Variants in CCDC57 observed in about 807,000 individuals in gnomAD.
CCDC57 encodes the protein coiled-coil domain-containing protein 57.
A neutral mutation model predicts 118.9 loss-of-function variants in CCDC57; 118 were observed. The ratio of observed to expected loss-of-function variants is 0.99; its 90% CI spans 0.86 to 1.16. The LOEUF (loss-of-function observed/expected upper bound fraction) is 1.16, where lower values mean the gene tolerates loss of function less well. CCDC57 is among the 50% of genes most tolerant of loss of function. The probability of loss-of-function intolerance (pLI) is 0.00; values close to 1 mark genes in which losing one functional copy is unlikely to be tolerated. For synonymous variants in CCDC57, 527 were observed against 532.9 expected (o/e 0.99, Z 0.15); for missense variants, 1,300 against 1,320.7 (o/e 0.98, Z 0.24).
chr17:82,121,883 T>A (rs1179315130), intron 19 of CCDC57, among the ~76,000 whole-genome samples: 2 of 152,218 alleles, frequency 1.3e-5, no homozygotes, highest in East Asian at 1.9e-4. Flanking sequence ...CACTTTCATA[T>A]CCTGTCCTGT....
chr17:82,164,889 G>GA (rs2043790482), intron 13 of CCDC57, among the ~76,000 whole-genome samples: 2 of 152,142 alleles, frequency 1.3e-5, no homozygotes, highest in Non-Finnish European at 2.9e-5. Context: ...TTAGAAAACG[G>GA]AAAAATAGAG....
chr17:82,201,502 G>C (rs936180000), intron 3 of CCDC57, 36 bp downstream of exon 2: 1 of 1,530,928 alleles, frequency 6.5e-7, no homozygotes, highest in Admixed American at 1.9e-5. Flanking sequence ...CCTCTGCCAG[G>C]CACTGCACAG....
intron 19 of CCDC57, among the ~76,000 whole-genome samples, chr17:82,115,882 C>T (rs572373600): frequency 6.7e-6 from 1 of 148,248 alleles, no homozygotes; most frequent in South Asian, 2.2e-4. Context: ...ACTGTAACCT[C>T]CACCCTCCGA....
At chr17:82,140,989 T>C (rs991725757) in intron 16 of CCDC57, among the ~76,000 whole-genome samples, 1 of 151,698 alleles carries the variant, frequency 6.6e-6, no homozygotes, top group African/African-American at 2.4e-5. Flanking sequence ...TATTTTATTT[T>C]AAATTATTTA....
At chr17:82,199,006 A>AG (rs1182487339) in intron 3 of CCDC57, among the ~76,000 whole-genome samples, 3 of 122,858 alleles carry the variant, frequency 2.4e-5, no homozygotes, top group African/African-American at 8.8e-5. Context: ...AAAAAAAAAA[A>AG]AAAGAAAAAG....
chr17:82,105,715 G>A (rs1249250796), intron 19 of CCDC57, among the ~76,000 whole-genome samples: 4 of 152,152 alleles, frequency 2.6e-5, no homozygotes, highest in Non-Finnish European at 5.9e-5. Context: ...CAGGGGGAGG[G>A]AGGCCCACGT....
At position 82,172,966 on chromosome 17, in the gene CCDC57, C is replaced by A; in HGVS notation, c.1507-106G>T. 1.0e-6 allele frequency: 1 copy of A among 992,414 alleles called. No homozygotes were observed. Among genetic ancestry groups the A allele is most frequent in the Non-Finnish European group, 1.5e-6 (1 of 650,894 alleles). The allele number at this position is 992,414 out of a possible 1,614,324, so 61.5% of individuals were successfully genotyped here. ...CCGCGCCCCTCTCGGGCCGGTCCCC[C>A]GCTTCAGCTTGGGCTGTGGTCCCTC... is the stretch of plus-strand genomic sequence containing the variant. On this transcript the variant is annotated intron_variant, in intron 11 of 19. Coordinates refer to ENST00000665763, the Ensembl canonical transcript of CCDC57. This position sits in a 1 kb window ranked among gnomAD's most constrained non-coding sequence, Gnocchi z 5.2.
intron 9 of CCDC57, among the ~76,000 whole-genome samples, chr17:82,181,124 G>A (rs908457471): frequency 6.6e-6 from 1 of 152,252 alleles, no homozygotes; most frequent in African/African-American, 2.4e-5. Context: ...GCTTTATGAG[G>A]CAGAGGGGCA....
intron 15 of CCDC57, chr17:82,155,937 T>C (rs2042626327): frequency 6.6e-6 from 1 of 152,130 alleles, no homozygotes; most frequent in Non-Finnish European, 1.5e-5. Flanking sequence ...GTGCCTTAGC[T>C]CCAATAACTG....
At chr17:82,186,697 T>C (rs1366451685) in intron 8 of CCDC57, among the ~76,000 whole-genome samples, 1 of 152,154 alleles carries the variant, frequency 6.6e-6, no homozygotes, top group Non-Finnish European at 1.5e-5. Context: ...ATCCCAGCAC[T>C]TTGGGAGGTC....
chr17:82,164,155 C>T (rs759073914), intron 13 of CCDC57, among the ~76,000 whole-genome samples: 3 of 152,132 alleles, frequency 2.0e-5, no homozygotes, highest in Admixed American at 6.6e-5. Flanking sequence ...GTGGGCAGAT[C>T]GCCTGAGGTC....
chr17:82,128,716 T>A, intron 17 of CCDC57, 119 bp from the exon 17 acceptor site: 1 of 814,284 alleles, frequency 1.2e-6, no homozygotes, highest in Non-Finnish European at 2.0e-6. Context: ...TATTAAAGAC[T>A]CACACCATTT....
intron 16 of CCDC57, chr17:82,145,869 C>T (rs1729653016): frequency 2.2e-6 from 1 of 454,032 alleles, no homozygotes; most frequent in Non-Finnish European, 4.6e-6. Flanking sequence ...GTTGGCTCCA[C>T]AGTCTGAATG....
rs141466872 is a variant in CCDC57 at position 82,179,820 on chromosome 17, C to T, written c.1212-631G>A. 8.3e-3 allele frequency among the ~76,000 whole-genome samples: 1,264 copies of T among 152,278 alleles called. 9 individuals are homozygous for T. The highest frequency in any genetic ancestry group is 0.01 in the Non-Finnish European group (688 of 68,024). ...TTCAGAGAGCTCTAGAGATCCCACA[C>T]GCACACAGTAAGGGGAAACGTTATA... On this transcript the variant is annotated intron_variant, in intron 9 of 19. Transcript: ENST00000665763.
At chr17:82,151,618 C>CGAA in exon 16 of CCDC57, 1 of 1,550,426 alleles carries the variant, frequency 6.4e-7, no homozygotes. Context: ...GCTGCTCTTT[C>CGAA]TCCAGGCGGA....
chr17:82,201,906 C>A, exon 3 of CCDC57: 3 of 1,606,306 alleles, frequency 1.9e-6, no homozygotes, highest in Non-Finnish European at 2.6e-6. Context: ...TGCGAAGCAG[C>A]AGCTCATTCA....
chr17:82,107,411 T>C, intron 19 of CCDC57: 1 of 468,600 alleles, frequency 2.1e-6, no homozygotes, highest in South Asian at 1.6e-5. Flanking sequence ...CCCTGCTGTG[T>C]GGCTTGTCAC....
At chr17:82,120,910 C>T (rs1218600515) in intron 19 of CCDC57, among the ~76,000 whole-genome samples, 1 of 152,176 alleles carries the variant, frequency 6.6e-6, no homozygotes, top group Non-Finnish European at 1.5e-5. Flanking sequence ...CGTCCGCCAC[C>T]ACGCCCGGCT....
In CCDC57 at chr17:82,192,635, G is replaced by C. The variant is rs993219821; in HGVS notation, c.851+1121C>G. 6.6e-6 allele frequency among the ~76,000 whole-genome samples: 1 copy of C among 152,158 alleles called. No individual in the cohort carries two copies. Among genetic ancestry groups the C allele is most frequent in the Non-Finnish European group, 1.5e-5 (1 of 68,038 alleles). On this transcript the variant is annotated intron_variant, in intron 7 of 19. Transcript: ENST00000665763. This position sits in a 1 kb window ranked among gnomAD's most constrained non-coding sequence, Gnocchi z 4.0. ...ATCTGCACTGTGTCTGTTTGGGCTC[G>C]ACTGCCTCGGTTTCCTCATCTAGGT...
Sources: allele counts gnomAD v4.1 joint callset (sites outside exome capture counted in the v4.1 genomes callset), GRCh38; gene constraint gnomAD v4.1.1; non-coding constraint Gnocchi (gnomAD v3.1); transcripts MANE v1.5; gene names NCBI Gene and HGNC (gene_info 2026-07-23, HGNC 2026-07-21).